OR51B5: variants seen among roughly 807,000 people sequenced by gnomAD.
OR51B5 encodes olfactory receptor family 51 subfamily B member 5.
For missense variants in OR51B5, 456 were observed against 374.6 expected (o/e 1.22, Z -1.79); for synonymous variants, 186 against 144.8 (o/e 1.28, Z -2.04).
intron 1 of OR51B5, among the ~76,000 whole-genome samples, chr11:5,350,144 C>T (rs1285140085): frequency 6.6e-6 from 1 of 152,152 alleles, no homozygotes; most frequent in Non-Finnish European, 1.5e-5. Context: ...ATTATCCACT[C>T]TTTACAAAAC....
intron 1 of OR51B5, among the ~76,000 whole-genome samples, chr11:5,350,549 G>A (rs1316458373): frequency 6.6e-6 from 1 of 152,018 alleles, no homozygotes; most frequent in Non-Finnish European, 1.5e-5. Flanking sequence ...GAGTCACAGA[G>A]CCTTCTCACT....
At chr11:5,406,460 T>C (rs936003180) in intron 1 of OR51B5, among the ~76,000 whole-genome samples, 1 of 152,192 alleles carries the variant, frequency 6.6e-6, no homozygotes, top group Non-Finnish European at 1.5e-5. Context: ...AATTGTGTAA[T>C]AAGCAGAATC....
At chr11:5,450,893 A>G (rs1484657229) in intron 1 of OR51B5, among the ~76,000 whole-genome samples, 2 of 152,184 alleles carry the variant, frequency 1.3e-5, no homozygotes, top group Admixed American at 6.5e-5. Context: ...TGCAAAGGAC[A>G]TGACCTGCAT....
rs756956569 is a variant in OR51B5, at chr11:5,441,193, T to C, written n.84+64376A>G. 4.3e-6 allele frequency: 7 copies of C among 1,613,914 alleles called. No homozygotes were observed. In the Admixed American group the frequency reaches 1.2e-4, roughly 27 times the overall value. On this transcript the variant is annotated intron_variant and non_coding_transcript_variant, in intron 1 of 4. Coordinates refer to the OR51B5 transcript ENST00000415970. ...ATGCCTGACTCCATGAAGGAGAAAG[T>C]GTGGATGAAGAACATCTGGACCAGG...
At position 5,435,015 on chromosome 11, in the gene OR51B5, G is replaced by A. The variant is rs370265425; in HGVS notation, n.84+70554C>T. ...ATAGATTTTTTTTCTAGCCTCCTAC[G>A]CAAACTGGAGGTCAGGTGGTGGGGA... is the stretch of plus-strand genomic sequence containing the variant. On this transcript the variant is annotated intron_variant and non_coding_transcript_variant, in intron 1 of 4. Transcript: ENST00000415970. 9.2e-5 allele frequency among the ~76,000 whole-genome samples: 14 copies of A among 152,180 alleles called. No individual in the cohort carries two copies. In the South Asian group the frequency reaches 1.0e-3, roughly 11 times the overall value.
intron 1 of OR51B5, among the ~76,000 whole-genome samples, chr11:5,357,456 G>A (rs1294137421): frequency 6.6e-6 from 1 of 151,696 alleles, no homozygotes; most frequent in Admixed American, 6.6e-5. Context: ...CCCAATACAG[G>A]AACACCCAGG....
chr11:5,473,854 A>AGTGTGTGTGTGTGT (rs71053262), intron 1 of OR51B5, among the ~76,000 whole-genome samples: 1 of 150,030 alleles, frequency 6.7e-6, no homozygotes, highest in Non-Finnish European at 1.5e-5. Flanking sequence ...TTACAAAATG[A>AGTGTGTGTGTGTGT]GTGTGTGTGT....
intron 1 of OR51B5, among the ~76,000 whole-genome samples, chr11:5,380,702 C>G (rs1313409311): frequency 6.6e-6 from 1 of 152,130 alleles, no homozygotes; most frequent in Non-Finnish European, 1.5e-5. Flanking sequence ...CTCTCTCCAT[C>G]AATTTTAGTT....
intron 1 of OR51B5, among the ~76,000 whole-genome samples, chr11:5,401,112 C>G (rs1053555184): frequency 6.6e-6 from 1 of 152,152 alleles, no homozygotes; most frequent in African/African-American, 2.4e-5. Context: ...TCAAAACACA[C>G]CCAATCCAGG....
At chr11:5,436,371 G>C (rs1850595748) in intron 1 of OR51B5, among the ~76,000 whole-genome samples, 1 of 152,230 alleles carries the variant, frequency 6.6e-6, no homozygotes, top group African/African-American at 2.4e-5. Flanking sequence ...TCTGGAAGGA[G>C]AATGTCAGCA....
chr11:5,477,826 T>C (rs1489009778), intron 1 of OR51B5, among the ~76,000 whole-genome samples: 1 of 152,102 alleles, frequency 6.6e-6, no homozygotes, highest in Non-Finnish European at 1.5e-5. Flanking sequence ...CGGCGCACCA[T>C]GAGATTATAT....
chr11:5,432,949 T>C (rs1444824503), intron 1 of OR51B5, among the ~76,000 whole-genome samples: 1 of 152,136 alleles, frequency 6.6e-6, no homozygotes, highest in Non-Finnish European at 1.5e-5. Flanking sequence ...CTAGTAAAGA[T>C]CATCTCCATG....
chr11:5,403,841 A>G (rs545078152), intron 1 of OR51B5, among the ~76,000 whole-genome samples: 56 of 152,212 alleles, frequency 3.7e-4, no homozygotes, highest in Non-Finnish European at 7.2e-4. Context: ...AGCACTCCTA[A>G]TGAGGAAAAG....
intron 1 of OR51B5, chr11:5,469,371 C>T (rs1362357027): frequency 1.3e-5 from 2 of 152,504 alleles, no homozygotes; most frequent in African/African-American, 4.8e-5. Flanking sequence ...TCAGGGAAGC[C>T]TGTTAGAGTG....
At chr11:5,358,923 G>A (rs1421315522) in intron 1 of OR51B5, among the ~76,000 whole-genome samples, 93 of 151,568 alleles carry the variant, frequency 6.1e-4, no homozygotes, top group Non-Finnish European at 1.2e-3. Context: ...TGCAGAAAAG[G>A]CCTTTGACAA....
At chr11:5,393,773 T>A (rs1461924278) in intron 1 of OR51B5, among the ~76,000 whole-genome samples, 1 of 152,180 alleles carries the variant, frequency 6.6e-6, no homozygotes. Context: ...GTTTTAAAAT[T>A]AGGAAACTGA....
At chr11:5,483,735 C>G (rs1052509292) in intron 1 of OR51B5, among the ~76,000 whole-genome samples, 3 of 151,988 alleles carry the variant, frequency 2.0e-5, no homozygotes, top group African/African-American at 7.3e-5. Flanking sequence ...AGATGGACCA[C>G]AGATCAAATC....
At chr11:5,472,595 A>C (rs1223554601) in intron 1 of OR51B5, among the ~76,000 whole-genome samples, 2 of 152,150 alleles carry the variant, frequency 1.3e-5, no homozygotes, top group Admixed American at 1.3e-4. Context: ...GATTCTAAAA[A>C]ATCTTGAGTG....
intron 1 of OR51B5, among the ~76,000 whole-genome samples, chr11:5,502,312 T>C (rs80063998): frequency 0.016 from 2,371 of 152,318 alleles, 28 homozygotes; most frequent in Middle Eastern, 0.037. Flanking sequence ...CTCCCTCTCA[T>C]TCTCTGTACT....
Sources: gnomAD v4.1 joint callset for allele counts (sites outside exome capture counted in the v4.1 genomes callset) on GRCh38, gnomAD v4.1.1 for gene constraint, MANE v1.5 for transcripts, NCBI Gene and HGNC (gene_info 2026-07-23, HGNC 2026-07-21) for gene names.